GASK1A: variants seen among roughly 807,000 people sequenced by gnomAD.
GASK1A encodes golgi associated kinase 1A, also known as Golgi-associated kinase 1A.
Under a neutral mutation model 41.2 loss-of-function variants are expected in GASK1A, and 40 were observed. The ratio of observed to expected loss-of-function variants is 0.97; its 90% CI spans 0.75 to 1.27. The LOEUF is 1.27. Ranked by LOEUF, GASK1A falls within the 50% of genes most tolerant of loss-of-function variation. GASK1A has a pLI of 0.00. For synonymous variants in GASK1A, 316 were observed against 307.1 expected, an observed-to-expected ratio of 1.03 and a Z score of -0.30; for missense variants, 678 against 745.1, an observed-to-expected ratio of 0.91 and a Z score of 1.05.
chr3:43,031,747 T>C (rs1438814169), intron 1 of GASK1A, among the ~76,000 whole-genome samples: 1 of 152,204 alleles, frequency 6.6e-6, no homozygotes, highest in African/African-American at 2.4e-5. Context: ...TCTCATGACA[T>C]AGTCAGGGAC....
chr3:43,050,998 G>C (rs924201753), intron 2 of GASK1A, among the ~76,000 whole-genome samples: 16 of 151,914 alleles, frequency 1.1e-4, no homozygotes, highest in Non-Finnish European at 1.5e-5. Flanking sequence ...TTTATCTAAT[G>C]TCTGGGCTTC....
In GASK1A at chr3:43,032,562, G is replaced by T; in HGVS notation, c.299G>T (p.Arg100Ile). 1 of 1,550,672 alleles carries T rather than the reference G, an allele frequency of 6.4e-7. No homozygotes were observed. The highest frequency in any genetic ancestry group is 1.2e-5 in the South Asian group (1 of 84,042). The change falls in exon 2 of 5, where the codon AGA becomes ATA. Residue 100 changes from arginine to isoleucine, a missense_variant. Coordinates refer to ENST00000430121, the MANE Select transcript of GASK1A (RefSeq NM_001129908.3). Reference sequence around the variant, plus strand: ...GCTGAGGAGCAAGGCCATAGAGCAAGAGTGGACAGAAGCAGGGAGTCCCCA... The same window carrying T: ...GCTGAGGAGCAAGGCCATAGAGCAATAGTGGACAGAAGCAGGGAGTCCCCA... Reference protein sequence around the residue: ...VCAEEQGHRARVDRSRESPGG... With the variant: ...VCAEEQGHRAIVDRSRESPGG...
chr3:43,034,174 T>C (rs761864750), intron 2 of GASK1A, among the ~76,000 whole-genome samples: 39 of 152,310 alleles, frequency 2.6e-4, no homozygotes, highest in Non-Finnish European at 5.3e-4. Flanking sequence ...TGTATCATTT[T>C]TAAAAAAGAG....
In GASK1A at chr3:42,984,589, A is replaced by G. The variant is rs2089299163; in HGVS notation, c.3+4944A>G. Among the ~76,000 whole-genome samples, 1 of 152,192 alleles carries G rather than the reference A, an allele frequency of 6.6e-6. No individual in the cohort carries two copies. Among genetic ancestry groups the G allele is most frequent in the Non-Finnish European group, 1.5e-5 (1 of 68,030 alleles). On this transcript the variant is annotated intron_variant, in intron 1 of 4. Coordinates refer to ENST00000430121, the MANE Select transcript of GASK1A (RefSeq NM_001129908.3). This position sits in a 1 kb window ranked among gnomAD's most constrained non-coding sequence, Gnocchi z 4.2. ...ATGAGGGCTGATGTGAAGGGTGAGG[A>G]AACAGCAGGAGTATAACTGAAATGC...
intron 1 of GASK1A, among the ~76,000 whole-genome samples, chr3:42,980,604 A>T (rs2089277984): frequency 6.6e-6 from 1 of 152,142 alleles, no homozygotes; most frequent in Non-Finnish European, 1.5e-5. Flanking sequence ...ACTGCGCTGT[A>T]GGATGGAGGG....
intron 1 of GASK1A, among the ~76,000 whole-genome samples, chr3:43,013,945 T>G (rs914059767): frequency 3.4e-5 from 5 of 148,142 alleles, no homozygotes; most frequent in African/African-American, 1.3e-4. Flanking sequence ...CAGTGTGAAG[T>G]CACAGGAAGG....
chr3:43,037,246 A>C (rs1559405831), intron 2 of GASK1A: 1 of 1,044,350 alleles, frequency 9.6e-7, no homozygotes, highest in African/African-American at 1.6e-5. Flanking sequence ...TCCCTGGCTG[A>C]AAATGGAGCG....
intron 1 of GASK1A, among the ~76,000 whole-genome samples, chr3:42,995,615 G>A (rs908760785): frequency 2.0e-5 from 3 of 152,190 alleles, no homozygotes; most frequent in Non-Finnish European, 2.9e-5. Flanking sequence ...TGGGGTGGAT[G>A]TCCGGTGAAG....
chr3:43,018,109 A>T (rs555600517), intron 1 of GASK1A, among the ~76,000 whole-genome samples: 1 of 152,348 alleles, frequency 6.6e-6, no homozygotes, highest in South Asian at 2.1e-4. Context: ...GACAGCAAAA[A>T]TCGCAGCAAA....
rs563902048 is a variant in GASK1A, at chr3:43,032,655, G to C, written c.392G>C (p.Ser131Thr). 3.9e-6 allele frequency: 6 copies of C among 1,551,624 alleles called. No individual in the cohort carries two copies. The East Asian group carries it at 9.8e-5, about 25-fold the overall frequency. The change falls in exon 2 of 5, where the codon AGT becomes ACT. Residue 131 changes from serine (S) to threonine (T), a missense_variant. Physicochemically the swap from Ser to Thr is moderately conservative, Grantham distance 58. Transcript: ENST00000430121. ...DITLSGHPRL[S>T]TQHVVLLRED... ...ACTTTGTCAGGACATCCAAGACTCA[G>C]TACTCAGCATGTTGTGCTCCTGAGG...
intron 1 of GASK1A, among the ~76,000 whole-genome samples, chr3:43,020,076 G>A (rs1363384842): frequency 1.3e-5 from 2 of 152,138 alleles, no homozygotes; most frequent in Admixed American, 1.3e-4. Context: ...ATATTTGTAG[G>A]CAGTGGAGGT....
intron 1 of GASK1A, among the ~76,000 whole-genome samples, chr3:43,000,601 T>C (rs569252651): frequency 6.6e-6 from 1 of 152,372 alleles, no homozygotes; most frequent in South Asian, 2.1e-4. Flanking sequence ...TTGGCCGACA[T>C]TGCATATTAT....
At chr3:43,024,540 A>T (rs1003094871) in intron 1 of GASK1A, among the ~76,000 whole-genome samples, 7 of 152,182 alleles carry the variant, frequency 4.6e-5, no homozygotes, top group African/African-American at 1.4e-4. Flanking sequence ...GGTACATTTT[A>T]AAATAATGGG....
chr3:43,046,869 GAGGGTACA>G (rs1342305609), intron 2 of GASK1A, among the ~76,000 whole-genome samples: 1 of 152,236 alleles, frequency 6.6e-6, no homozygotes, highest in Non-Finnish European at 1.5e-5. Context: ...CATTGCTTCA[GAGGGTACA>G]AGCCCCAAAC....
At position 43,033,376 on chromosome 3, in the gene GASK1A, G is replaced by C; in HGVS notation, c.1113G>C (p.Trp371Cys). ...GTGGAGCAAGGCCTGTCATCTGGTG[G>C]GCACCCGATGTGCAGCACCTGAGCG... ...TDGGARPVIW[W>C]APDVQHLSDP... The change falls in exon 2 of 5, where the codon TGG becomes TGC. Residue 371 changes from tryptophan (W) to cysteine (C), a missense_variant. Coordinates refer to ENST00000430121, the MANE Select transcript of GASK1A (RefSeq NM_001129908.3). The C allele has an allele frequency of 6.4e-7, 1 of 1,551,578 alleles. No homozygotes were observed. Among genetic ancestry groups the C allele is most frequent in the Non-Finnish European group, 8.7e-7 (1 of 1,146,950 alleles).
chr3:43,017,434 G>A (rs1361122686), intron 1 of GASK1A, among the ~76,000 whole-genome samples: 1 of 150,690 alleles, frequency 6.6e-6, no homozygotes, highest in Non-Finnish European at 1.5e-5. Flanking sequence ...AAGGGGCTGT[G>A]TGAAGTCACA....
At chr3:42,985,669 A>G (rs1242317470) in intron 1 of GASK1A, among the ~76,000 whole-genome samples, 1 of 151,612 alleles carries the variant, frequency 6.6e-6, no homozygotes, top group East Asian at 1.9e-4. Flanking sequence ...CTGTGGGCCA[A>G]ATATTCTGCT....
intron 1 of GASK1A, among the ~76,000 whole-genome samples, chr3:42,997,677 G>T (rs924135321): frequency 3.9e-5 from 6 of 152,138 alleles, no homozygotes; most frequent in Non-Finnish European, 8.8e-5. Flanking sequence ...TCTATTGCGG[G>T]TCTAGAATAA....
At chr3:43,048,417 A>G (rs911813162) in intron 2 of GASK1A, among the ~76,000 whole-genome samples, 2 of 152,180 alleles carry the variant, frequency 1.3e-5, no homozygotes, top group Non-Finnish European at 2.9e-5. Flanking sequence ...TTCCCCAAAA[A>G]GGGACTCTGA....
Sources: allele counts gnomAD v4.1 joint callset (sites outside exome capture counted in the v4.1 genomes callset), GRCh38; gene constraint gnomAD v4.1.1; non-coding constraint Gnocchi (gnomAD v3.1); transcripts MANE v1.5; gene names NCBI Gene and HGNC (gene_info 2026-07-23, HGNC 2026-07-21).